CHIC1: variants seen among roughly 807,000 people sequenced by gnomAD.
CHIC1 encodes cysteine rich hydrophobic domain 1.
In CHIC1, 7 loss-of-function variants were observed where a neutral mutation model predicts 18.5. That is an observed-to-expected ratio of 0.38 (90% CI 0.22 to 0.71). The LOEUF (loss-of-function observed/expected upper bound fraction) is 0.71. Ranked by LOEUF, CHIC1 falls within the 30% of genes least tolerant of loss-of-function variation. The pLI is 0.49. For synonymous variants in CHIC1, 77 were observed against 73.5 expected, an observed-to-expected ratio of 1.05 and a Z score of -0.25; for missense variants, 159 against 176.9, an observed-to-expected ratio of 0.90 and a Z score of 0.57.
chrX:73,646,761 TA>T (rs1326197457), intron 3 of CHIC1, among the ~76,000 whole-genome samples: 1 of 112,374 alleles, frequency 8.9e-6, no homozygotes, highest in African/African-American at 3.2e-5. Flanking sequence ...GATAAGGTCA[TA>T]AGCAAACAGA....
chrX:73,626,199 C>G (rs923331207), intron 3 of CHIC1, among the ~76,000 whole-genome samples: 1 of 111,661 alleles, frequency 9.0e-6, no homozygotes, highest in African/African-American at 3.3e-5. Flanking sequence ...ATGTTGTTTC[C>G]TCTGTCTTGC....
chrX:73,643,620 G>A (rs1007742105), intron 3 of CHIC1, among the ~76,000 whole-genome samples: 39 of 111,056 alleles, frequency 3.5e-4, no homozygotes, highest in Middle Eastern at 4.6e-3. Flanking sequence ...CATTCATTTC[G>A]TCTTCCATCA....
intron 3 of CHIC1, among the ~76,000 whole-genome samples, chrX:73,664,449 G>T (rs975549512): frequency 9.0e-6 from 1 of 110,508 alleles, no homozygotes; most frequent in African/African-American, 3.3e-5. Flanking sequence ...TGACATGCTC[G>T]TATAAGTTCC....
chrX:73,578,399 A>C (rs2057510681), intron 2 of CHIC1, among the ~76,000 whole-genome samples: 1 of 110,639 alleles, frequency 9.0e-6, no homozygotes, highest in Non-Finnish European at 1.9e-5. Context: ...GTCATTGCCA[A>C]ATGGTTAATA....
chrX:73,564,433 A>T (rs981446375), intron 1 of CHIC1, among the ~76,000 whole-genome samples: 1 of 111,941 alleles, frequency 8.9e-6, no homozygotes. Context: ...GTGGTTTTTT[A>T]AAAAATTGAA....
chrX:73,627,557 G>A (rs1025954999), intron 3 of CHIC1, among the ~76,000 whole-genome samples: 4 of 112,137 alleles, frequency 3.6e-5, no homozygotes, highest in Non-Finnish European at 7.5e-5. Context: ...CTTTCCAAAG[G>A]CAGAGGAGCT....
At chrX:73,645,114 C>T (rs1261894333) in intron 3 of CHIC1, among the ~76,000 whole-genome samples, 1 of 112,268 alleles carries the variant, frequency 8.9e-6, no homozygotes, top group Admixed American at 9.4e-5. Context: ...CATCTTGGCT[C>T]CGGAAGCTGA....
At chrX:73,605,718 T>A (rs1219597548) in intron 3 of CHIC1, among the ~76,000 whole-genome samples, 6 of 108,848 alleles carry the variant, frequency 5.5e-5, no homozygotes, top group African/African-American at 1.8e-4. Flanking sequence ...CATTTACTTG[T>A]CTGTAGAGGA....
intron 5 of CHIC1, 59 bp downstream of exon 5, chrX:73,679,772 G>C: frequency 1.6e-6 from 1 of 643,111 alleles, no homozygotes; most frequent in Non-Finnish European, 2.2e-6. Flanking sequence ...CCATTTTCCT[G>C]TGTTTATCAT....
At chrX:73,650,701 CAAAAAA>C (rs139432536) in intron 3 of CHIC1, among the ~76,000 whole-genome samples, 1 of 64,818 alleles carries the variant, frequency 1.5e-5, no homozygotes, top group Non-Finnish European at 3.0e-5. Context: ...GCCTACCAAC[CAAAAAA>C]AAAAAAAAAA....
chrX:73,666,178 C>A (rs1234006674), intron 3 of CHIC1, among the ~76,000 whole-genome samples: 1 of 112,055 alleles, frequency 8.9e-6, no homozygotes. Context: ...TAATTTCTCC[C>A]ACCACCATAA....
At chrX:73,651,911 A>C (rs762576840) in intron 3 of CHIC1, among the ~76,000 whole-genome samples, 45 of 112,246 alleles carry the variant, frequency 4.0e-4, no homozygotes, top group Non-Finnish European at 7.5e-4. Context: ...ATGGAACCAA[A>C]GAAGAGTGCA....
At chrX:73,579,795 T>A in intron 2 of CHIC1, among the ~76,000 whole-genome samples, 1 of 110,766 alleles carries the variant, frequency 9.0e-6, no homozygotes, top group Non-Finnish European at 1.9e-5. Flanking sequence ...TTTATATGAA[T>A]TAATCATAAA....
intron 3 of CHIC1, among the ~76,000 whole-genome samples, chrX:73,666,887 A>T (rs2058006872): frequency 9.0e-6 from 1 of 111,709 alleles, no homozygotes; most frequent in South Asian, 3.8e-4. Context: ...TCCAGAGGTG[A>T]GTTTAAGTCC....
intron 3 of CHIC1, among the ~76,000 whole-genome samples, chrX:73,632,799 C>G (rs1430068530): frequency 1.5e-5 from 1 of 68,541 alleles, no homozygotes; most frequent in Non-Finnish European, 2.5e-5. Flanking sequence ...GTCGGAGTTT[C>G]GCTCTGTCAC....
intron 3 of CHIC1, among the ~76,000 whole-genome samples, chrX:73,643,072 A>C (rs2057866838): frequency 9.0e-6 from 1 of 111,622 alleles, no homozygotes; most frequent in Non-Finnish European, 1.9e-5. Flanking sequence ...GGTGGTGACA[A>C]AATCTCTCAG....
At chrX:73,637,295 G>GTT (rs371158471) in intron 3 of CHIC1, among the ~76,000 whole-genome samples, 7 of 94,006 alleles carry the variant, frequency 7.4e-5, no homozygotes, top group Non-Finnish European at 4.3e-5. Context: ...CTGATTTTAA[G>GTT]TTTTTTTTTT....
chrX:73,573,867 G>A (rs1036026005), intron 1 of CHIC1, among the ~76,000 whole-genome samples: 4 of 110,615 alleles, frequency 3.6e-5, no homozygotes, highest in African/African-American at 1.3e-4. Context: ...GAATCATATT[G>A]TCTGCAAAAA....
intron 5 of CHIC1, 125 bp downstream of exon 5, chrX:73,679,838 T>C: frequency 2.8e-6 from 1 of 357,770 alleles, no homozygotes; most frequent in Non-Finnish European, 4.8e-6. Context: ...CATTGAAATA[T>C]AGAGGTTTTC....
Sources: gnomAD v4.1 joint callset for allele counts (sites outside exome capture counted in the v4.1 genomes callset) on GRCh38, gnomAD v4.1.1 for gene constraint, MANE v1.5 for transcripts, NCBI Gene and HGNC (gene_info 2026-07-23, HGNC 2026-07-21) for gene names.